TRAF3IP3: variants seen among roughly 807,000 people sequenced by gnomAD.
The protein encoded by TRAF3IP3 is TRAF3-interacting JNK-activating modulator.
TRAF3IP3 carries 64 observed loss-of-function variants against 86.5 expected under a neutral mutation model. The ratio of observed to expected loss-of-function variants is 0.74; its 90% CI spans 0.60 to 0.91. The LOEUF is 0.91. Among genes scored for constraint, TRAF3IP3 ranks in the 40% least tolerant of loss-of-function variants. The probability of loss-of-function intolerance (pLI) is 0.00; values close to 1 mark genes in which losing one functional copy is unlikely to be tolerated. For synonymous variants in TRAF3IP3, 220 were observed against 243.9 expected, an observed-to-expected ratio of 0.90 and a Z score of 0.91; for missense variants, 579 against 642.9, an observed-to-expected ratio of 0.90 and a Z score of 1.07.
chr1:209,764,743 C>CAA (rs58783495), intron 8 of TRAF3IP3, among the ~76,000 whole-genome samples: 13,246 of 99,652 alleles, frequency 0.13, 1,779 homozygotes, highest in African/African-American at 0.37. Context: ...GACTCCATCT[C>CAA]AAAAAAAAAA....
At chr1:209,772,829 G>C (rs1286964908) in intron 8 of TRAF3IP3, 119 bp from the exon 9 acceptor site, 12 of 815,564 alleles carry the variant, frequency 1.5e-5, no homozygotes, top group East Asian at 1.3e-4. Context: ...CCTGCCTCCT[G>C]AAAGAGTTCA....
chr1:209,773,610 G>T (rs2077591735), intron 9 of TRAF3IP3, among the ~76,000 whole-genome samples: 1 of 152,150 alleles, frequency 6.6e-6, no homozygotes, highest in African/African-American at 2.4e-5. Context: ...CTGACAGGTG[G>T]GAAGATATCA....
rs181563159 is a variant in TRAF3IP3, at chr1:209,760,418, T to C, written c.345+34T>C. The C allele has an allele frequency of 3.1e-5, 47 of 1,508,134 alleles. No individual in the cohort carries two copies. In the African/African-American group the frequency reaches 5.7e-4, roughly 18 times the overall value. The allele number at this position is 1,508,134 out of a possible 1,614,324, so 93.4% of individuals were successfully genotyped here. On this transcript the variant is annotated intron_variant, in intron 3 of 16. Coordinates refer to ENST00000367025, the MANE Select transcript of TRAF3IP3 (RefSeq NM_025228.4). ...TGTCAAGGGACATACTGCTGTGTGCTCTGGGACCCTCTCTGGACAAGGAGG... is the reference window on the plus strand; with the variant it reads ...TGTCAAGGGACATACTGCTGTGTGCCCTGGGACCCTCTCTGGACAAGGAGG...
At chr1:209,769,212 GAA>G (rs536453830) in intron 8 of TRAF3IP3, among the ~76,000 whole-genome samples, 24 of 146,336 alleles carry the variant, frequency 1.6e-4, no homozygotes, top group African/African-American at 6.1e-4. Context: ...ATTCTGCATA[GAA>G]AGAGTTTGGG....
chr1:209,771,017 TG>T (rs1486753043), intron 8 of TRAF3IP3, among the ~76,000 whole-genome samples: 4 of 124,864 alleles, frequency 3.2e-5, no homozygotes, highest in Non-Finnish European at 6.5e-5. Context: ...CGTGTGCATG[TG>T]GATGTGTGTG....
chr1:209,780,474 G>A lies in TRAF3IP3; in HGVS notation c.1317G>A (p.Gln439=). 1 of 1,580,188 alleles carries A rather than the reference G, an allele frequency of 6.3e-7. No homozygotes were observed. The highest frequency in any genetic ancestry group is 8.6e-7 in the Non-Finnish European group (1 of 1,161,146). The part of the protein sequence containing the change: ...EQEKLLTKKD[Q]ALPVWSPKSF... Reference sequence around the variant, plus strand: ...AGAATCTGGCTGCTTTTTTAGATCAGGCTTTGCCCGTGTGGAGTCCAAAGT... The same window carrying A: ...AGAATCTGGCTGCTTTTTTAGATCAAGCTTTGCCCGTGTGGAGTCCAAAGT... The change falls in exon 15 of 17, where the codon CAG becomes CAA. Residue 439 remains glutamine, a synonymous_variant. Coordinates refer to ENST00000367025, the MANE Select transcript of TRAF3IP3 (RefSeq NM_025228.4).
In TRAF3IP3 at chr1:209,763,512, G is replaced by C. The variant is rs2077285837; in HGVS notation, c.627G>C (p.Leu209=). The change falls in exon 8 of 17, where the codon CTG becomes CTC. Residue 209 remains leucine, a synonymous_variant. Transcript: ENST00000367025. ...CCCAGGAGGCCCTACAAAGGGAGCT[G>C]GTCCTAAAACAGAAAATGGTGATTC... ...DYLKEALQRE[L]VLKQKMVILQ... is the part of the protein sequence containing the mutation. 1 of 1,614,154 alleles carries C rather than the reference G, an allele frequency of 6.2e-7. No individual in the cohort carries two copies. Among genetic ancestry groups the C allele is most frequent in the South Asian group, 1.1e-5 (1 of 91,080 alleles).
chr1:209,779,481 A>G, intron 14 of TRAF3IP3, 107 bp downstream of exon 14: 1 of 927,552 alleles, frequency 1.1e-6, no homozygotes, highest in Non-Finnish European at 1.8e-6. Context: ...CAGTTCTGGG[A>G]GTCTGTTAAG....
intron 8 of TRAF3IP3, 50 bp from the exon 9 acceptor site, chr1:209,772,898 T>G (rs766617607): frequency 5.3e-6 from 8 of 1,513,684 alleles, no homozygotes; most frequent in Non-Finnish European, 7.3e-6. Flanking sequence ...TCAAACTCTT[T>G]GCAGACTAGA....
At chr1:209,763,734 G>C (rs1321173893) in intron 8 of TRAF3IP3, 147 bp downstream of exon 8, 3 of 678,368 alleles carry the variant, frequency 4.4e-6, no homozygotes, top group Non-Finnish European at 7.7e-6. Context: ...GGGGGATGGT[G>C]CTCAGACCTA....
chr1:209,756,966 C>G (rs1264805478), intron 1 of TRAF3IP3, among the ~76,000 whole-genome samples: 3 of 152,178 alleles, frequency 2.0e-5, no homozygotes, highest in Non-Finnish European at 4.4e-5. Flanking sequence ...GGGCAGTGGC[C>G]AAGTGATCTT....
intron 8 of TRAF3IP3, among the ~76,000 whole-genome samples, chr1:209,765,448 T>C (rs569576861): frequency 2.0e-4 from 30 of 152,066 alleles, no homozygotes; most frequent in African/African-American, 6.3e-4. Context: ...GGTGGATCAC[T>C]TGAGCTCAGG....
intron 1 of TRAF3IP3, among the ~76,000 whole-genome samples, chr1:209,756,943 T>C (rs1240671647): frequency 2.0e-5 from 3 of 152,190 alleles, no homozygotes; most frequent in Non-Finnish European, 4.4e-5. Flanking sequence ...ACCTGAGAGA[T>C]GCCAGAAAGC....
At chr1:209,767,822 G>A (rs952617189) in intron 8 of TRAF3IP3, among the ~76,000 whole-genome samples, 1 of 152,040 alleles carries the variant, frequency 6.6e-6, no homozygotes, top group South Asian at 2.1e-4. Flanking sequence ...CAAGCTTTGT[G>A]GGAATGAGGG....
In TRAF3IP3 at chr1:209,782,246, G is replaced by T; in HGVS notation, c.*98G>T. On this transcript the variant is annotated 3_prime_UTR_variant, in exon 17 of 17. Coordinates refer to ENST00000367025, the MANE Select transcript of TRAF3IP3 (RefSeq NM_025228.4). Reference sequence around the variant, plus strand: ...ACATTACAGCTTGGGTTTTCCAACTGACTTAGGATTTCTGACTTTTTATTA... The same window carrying T: ...ACATTACAGCTTGGGTTTTCCAACTTACTTAGGATTTCTGACTTTTTATTA... 1.1e-6 allele frequency: 1 copy of T among 909,952 alleles called. No homozygotes were observed. Among genetic ancestry groups the T allele is most frequent in the South Asian group, 1.4e-5 (1 of 73,460 alleles). 56.4% of individuals were successfully genotyped at this position (909,952 alleles called of 1,614,324 possible).
At chr1:209,780,949 C>A in intron 15 of TRAF3IP3, 1 of 186,098 alleles carries the variant, frequency 5.4e-6, no homozygotes. Context: ...TTCCTTTGTA[C>A]ATACTCACAA....
At position 209,775,497 on chromosome 1, in the gene TRAF3IP3, G is replaced by A. The variant is rs748137793; in HGVS notation, c.915+8G>A. ...CAACTACAGAGCACACAGGTATGGG[G>A]ATGCCACATAGACATGGGGCTGGGG... On this transcript the variant is annotated splice_region_variant and intron_variant, in intron 10 of 16. Transcript: ENST00000367025. 4 of 1,614,238 alleles carry A rather than the reference G, an allele frequency of 2.5e-6. No homozygotes were observed. The South Asian group carries it at 4.4e-5, about 18-fold the overall frequency.
intron 3 of TRAF3IP3, 115 bp from the exon 4 acceptor site, chr1:209,762,400 A>G (rs1265603071): frequency 4.5e-6 from 5 of 1,103,934 alleles, no homozygotes; most frequent in Non-Finnish European, 6.0e-6. Flanking sequence ...CGGGGGGACA[A>G]TAAACACTCA....
At chr1:209,781,655 G>A in intron 16 of TRAF3IP3, 197 bp downstream of exon 16, 1 of 513,904 alleles carries the variant, frequency 1.9e-6, no homozygotes, top group Non-Finnish European at 3.5e-6. Flanking sequence ...AACTTTCACA[G>A]AACTCTCAAT....
Sources: allele counts gnomAD v4.1 joint callset (sites outside exome capture counted in the v4.1 genomes callset), GRCh38; gene constraint gnomAD v4.1.1; transcripts MANE v1.5; gene names NCBI Gene and HGNC (gene_info 2026-07-23, HGNC 2026-07-21).